DIAPH2: variants seen among roughly 807,000 people sequenced by gnomAD.
DIAPH2 encodes the protein diaphanous related formin 2, also known as protein diaphanous homolog 2.
In DIAPH2, 35 loss-of-function variants were observed where a neutral mutation model predicts 92.7. The observed-to-expected ratio is 0.38, with a 90% CI of 0.29 to 0.50. The LOEUF (loss-of-function observed/expected upper bound fraction) is 0.50, where lower values mean the gene tolerates loss of function less well. Among genes scored for constraint, DIAPH2 ranks in the 20% least tolerant of loss-of-function variants. The pLI, the probability that DIAPH2 is intolerant of heterozygous loss-of-function variation, is 0.94. For synonymous variants in DIAPH2, 301 were observed against 280.4 expected (o/e 1.07, Z -0.73); for missense variants, 701 against 819.5 (o/e 0.86, Z 1.77).
intron 24 of DIAPH2, among the ~76,000 whole-genome samples, chrX:97,369,437 T>C (rs866689378): frequency 1.6e-3 from 155 of 99,919 alleles, no homozygotes; most frequent in African/African-American, 4.8e-3. Context: ...ATAACTTCAT[T>C]GCCCTTACCA....
At chrX:97,027,207 A>G (rs1211438167) in intron 17 of DIAPH2, among the ~76,000 whole-genome samples, 1 of 112,371 alleles carries the variant, frequency 8.9e-6, no homozygotes, top group African/African-American at 3.2e-5. Flanking sequence ...TATAAATCAC[A>G]TGGCTTATAG....
chrX:97,105,165 A>G lies in DIAPH2; in HGVS notation c.2349+5370A>G, dbSNP rs1317904432. 2.7e-5 allele frequency among the ~76,000 whole-genome samples: 3 copies of G among 111,504 alleles called. No homozygotes were observed. The South Asian group carries it at 1.2e-3, about 43-fold the overall frequency. On this transcript the variant is annotated intron_variant, in intron 20 of 26. Transcript: ENST00000324765. ...ACCAACAACAAAAAAACACAATAAA[A>G]TTGACAAAACTGGGGGAAATTGTGA...
At chrX:97,185,455 G>T (rs76166414) in intron 22 of DIAPH2, among the ~76,000 whole-genome samples, 1 of 9,114 alleles carries the variant, frequency 1.1e-4, no homozygotes, top group Non-Finnish European at 1.9e-4. Context: ...ATATGTGTGT[G>T]TATATATATA....
chrX:96,868,541 G>A (rs1305153692), intron 4 of DIAPH2, among the ~76,000 whole-genome samples: 1 of 111,420 alleles, frequency 9.0e-6, no homozygotes, highest in Non-Finnish European at 1.9e-5. Flanking sequence ...TCTACCTTTG[G>A]TGAACAGTTT....
chrX:97,531,314 T>C (rs2071058425), intron 26 of DIAPH2, among the ~76,000 whole-genome samples: 1 of 111,501 alleles, frequency 9.0e-6, no homozygotes, highest in Admixed American at 9.6e-5. Flanking sequence ...TTATTCTTCT[T>C]TCCTTTTCTT....
chrX:96,824,514 A>G (rs2147680294), intron 4 of DIAPH2, among the ~76,000 whole-genome samples: 1 of 111,214 alleles, frequency 9.0e-6, no homozygotes, highest in South Asian at 3.8e-4. Flanking sequence ...ATGCTTTACA[A>G]TGTCAGCTTT....
chrX:97,530,202 A>G (rs191895882), intron 26 of DIAPH2, among the ~76,000 whole-genome samples: 5 of 112,030 alleles, frequency 4.5e-5, no homozygotes, highest in Admixed American at 2.8e-4. Flanking sequence ...ACTTGCACTC[A>G]GTAGTTTTAA....
chrX:97,425,911 G>T lies in DIAPH2; in HGVS notation c.3146-3739G>T, dbSNP rs183391384. On this transcript the variant is annotated intron_variant, in intron 25 of 26. Coordinates refer to ENST00000324765, the MANE Select transcript of DIAPH2 (RefSeq NM_006729.5). ...TAAAAAGTTGAGGTTCTCTGGAATT[G>T]CATCTTCTATTCTATCCTTCTTCTA... Among the ~76,000 whole-genome samples the T allele has an allele frequency of 4.5e-3, 494 of 109,440 alleles. 4 individuals carry two copies. The highest frequency in any genetic ancestry group is 0.016 in the African/African-American group (471 of 30,053).
At chrX:97,034,001 T>C (rs1329013145) in intron 17 of DIAPH2, among the ~76,000 whole-genome samples, 2 of 111,556 alleles carry the variant, frequency 1.8e-5, no homozygotes, top group Admixed American at 1.9e-4. Flanking sequence ...TTTTAAGTTA[T>C]TGATAATGTA....
chrX:97,120,674 A>G (rs1237731018), intron 21 of DIAPH2, among the ~76,000 whole-genome samples: 1 of 90,794 alleles, frequency 1.1e-5, no homozygotes, highest in Non-Finnish European at 2.1e-5. Flanking sequence ...TATATACTAT[A>G]TATAGCCCAA....
chrX:97,118,673 A>G (rs754923778), intron 21 of DIAPH2, among the ~76,000 whole-genome samples: 20 of 112,308 alleles, frequency 1.8e-4, no homozygotes, highest in Middle Eastern at 4.6e-3. Context: ...TACACTGTCA[A>G]TGAGGGCAAA....
intron 9 of DIAPH2, among the ~76,000 whole-genome samples, chrX:96,922,326 G>A (rs2065551472): frequency 9.0e-6 from 1 of 110,547 alleles, no homozygotes; most frequent in East Asian, 2.8e-4. Flanking sequence ...TCCTATTTTC[G>A]GTTATAGAGG....
At chrX:97,387,294 A>G (rs1340325357) in intron 25 of DIAPH2, among the ~76,000 whole-genome samples, 2 of 112,247 alleles carry the variant, frequency 1.8e-5, no homozygotes, top group East Asian at 5.6e-4. Context: ...GTGAGATTTA[A>G]AAAGCAACAA....
chrX:97,239,613 C>T (rs1049797732), intron 22 of DIAPH2, among the ~76,000 whole-genome samples: 1 of 111,406 alleles, frequency 9.0e-6, no homozygotes, highest in East Asian at 2.8e-4. Context: ...ACTGACTAAT[C>T]AGTCATTGAA....
intron 17 of DIAPH2, among the ~76,000 whole-genome samples, chrX:96,983,630 G>C (rs1372158036): frequency 5.4e-5 from 6 of 110,985 alleles, no homozygotes; most frequent in Admixed American, 1.9e-4. Context: ...TCAATAAGTT[G>C]TTGATTTTGT....
chrX:97,392,883 C>T (rs1384842877), intron 25 of DIAPH2, among the ~76,000 whole-genome samples: 2 of 111,406 alleles, frequency 1.8e-5, no homozygotes, highest in African/African-American at 6.5e-5. Flanking sequence ...GGCATTTGGC[C>T]TATTACCAGT....
chrX:97,226,791 A>G (rs1178902696), intron 22 of DIAPH2, among the ~76,000 whole-genome samples: 1 of 112,308 alleles, frequency 8.9e-6, no homozygotes, highest in African/African-American at 3.2e-5. Flanking sequence ...GTGTGTATAT[A>G]TATGTATATA....
rs187742900 is a variant in DIAPH2, at chrX:96,713,206, A to T, written c.133-22552A>T. ...TTGTGTACCTTTGTTCCTAATTTTT[A>T]AAAAATTTCCTTTATCTTGAGAATG... is the stretch of plus-strand genomic sequence containing the variant. On this transcript the variant is annotated intron_variant, in intron 1 of 26. Coordinates refer to ENST00000324765, the MANE Select transcript of DIAPH2 (RefSeq NM_006729.5). Among the ~76,000 whole-genome samples, 232 of 112,121 alleles carry T rather than the reference A, an allele frequency of 2.1e-3. 1 individual carries two copies. Among genetic ancestry groups the T allele is most frequent in the African/African-American group, 7.1e-3 (218 of 30,890 alleles).
intron 1 of DIAPH2, among the ~76,000 whole-genome samples, chrX:96,694,414 T>G (rs1317133091): frequency 9.1e-6 from 1 of 110,160 alleles, no homozygotes; most frequent in African/African-American, 3.3e-5. Context: ...GATCTCTGCT[T>G]ACTGCAACCT....
Sources: allele counts gnomAD v4.1 joint callset (sites outside exome capture counted in the v4.1 genomes callset), GRCh38; gene constraint gnomAD v4.1.1; transcripts MANE v1.5; gene names NCBI Gene and HGNC (gene_info 2026-07-23, HGNC 2026-07-21).